ROR1: variants seen among roughly 807,000 people sequenced by gnomAD.
ROR1 encodes ROR family WNT receptor 1, also known as inactive tyrosine-protein kinase transmembrane receptor ROR1.
In ROR1, 19 loss-of-function variants were observed where a neutral mutation model predicts 78.8. That is an observed-to-expected ratio of 0.24 (90% confidence interval 0.17 to 0.35). ROR1 has a LOEUF of 0.35. ROR1 is among the 10% of genes least tolerant of loss of function. The pLI is 1.00. For missense variants in ROR1, 917 were observed against 1,177.8 expected (o/e 0.78, Z 3.24); for synonymous variants, 386 against 433.6 (o/e 0.89, Z 1.36).
intron 2 of ROR1, among the ~76,000 whole-genome samples, chr1:64,014,735 GCA>G (rs1197421164): frequency 0.034 from 359 of 10,410 alleles, 26 homozygotes; most frequent in Non-Finnish European, 0.065. Context: ...ATACACATAC[GCA>G]CACTATATAT....
rs370519632 is a variant in ROR1 at position 64,129,013 on chromosome 1, T to C, written c.483-8356T>C. Among the ~76,000 whole-genome samples, 27 of 152,350 alleles carry C rather than the reference T, an allele frequency of 1.8e-4. 2 individuals are homozygous for C. The highest frequency in any genetic ancestry group is 9.8e-4 in the Admixed American group (15 of 15,296). On this transcript the variant is annotated intron_variant, in intron 4 of 8. Coordinates refer to ENST00000371079, the MANE Select transcript of ROR1 (RefSeq NM_005012.4). ...TGCTGCTTCTGCCATTATAAAAATT[T>C]GTAAGATTCTACCTGTGACATGGGC... is the stretch of plus-strand genomic sequence containing the variant.
intron 4 of ROR1, among the ~76,000 whole-genome samples, chr1:64,127,572 C>T (rs1404092448): frequency 1.3e-5 from 2 of 151,972 alleles, no homozygotes; most frequent in African/African-American, 2.4e-5. Context: ...GTGTCTGTCT[C>T]TTTCTCTGTC....
chr1:64,142,324 T>A, intron 6 of ROR1, 81 bp from the exon 7 acceptor site: 2 of 1,562,566 alleles, frequency 1.3e-6, no homozygotes, highest in Non-Finnish European at 1.7e-6. Flanking sequence ...TGCCCTCCCC[T>A]CCAGAAACTG....
intron 1 of ROR1, among the ~76,000 whole-genome samples, chr1:63,944,177 C>A (rs1645864334): frequency 6.6e-6 from 1 of 152,116 alleles, no homozygotes; most frequent in African/African-American, 2.4e-5. Flanking sequence ...GTCTTTTATG[C>A]CAAGCATTTG....
intron 1 of ROR1, chr1:63,788,872 A>T: frequency 1.2e-6 from 1 of 843,874 alleles, no homozygotes; most frequent in Non-Finnish European, 1.9e-6. Context: ...ATCTGCCTTC[A>T]GCTTGTGGAT....
At chr1:63,928,013 CG>C (rs1645720221) in intron 1 of ROR1, among the ~76,000 whole-genome samples, 2 of 149,444 alleles carry the variant, frequency 1.3e-5, no homozygotes, top group African/African-American at 5.0e-5. Flanking sequence ...CTGGCAACTG[CG>C]TGGTTTTGAA....
intron 1 of ROR1, among the ~76,000 whole-genome samples, chr1:63,946,472 T>C (rs142756896): frequency 7.1e-4 from 108 of 152,330 alleles, no homozygotes; most frequent in African/African-American, 2.3e-3. Flanking sequence ...GTTTTTGTGG[T>C]GTACAACATA....
chr1:63,822,205 C>T (rs1260828991), intron 1 of ROR1, among the ~76,000 whole-genome samples: 1 of 152,144 alleles, frequency 6.6e-6, no homozygotes, highest in East Asian at 1.9e-4. Flanking sequence ...AGCGATTTGC[C>T]TATTTTGTTT....
chr1:63,979,009 C>T (rs1004378423), intron 1 of ROR1, among the ~76,000 whole-genome samples: 5 of 152,164 alleles, frequency 3.3e-5, no homozygotes, highest in Non-Finnish European at 4.4e-5. Context: ...TTCCCTCTTG[C>T]GCTGGGGAGG....
At chr1:64,119,513 C>A (rs1195788604) in intron 4 of ROR1, among the ~76,000 whole-genome samples, 1 of 151,980 alleles carries the variant, frequency 6.6e-6, no homozygotes, top group African/African-American at 2.4e-5. Flanking sequence ...GTGGCAGGCG[C>A]CTGTAATCCC....
At chr1:63,853,516 G>A (rs757051870) in intron 1 of ROR1, among the ~76,000 whole-genome samples, 1 of 152,148 alleles carries the variant, frequency 6.6e-6, no homozygotes, top group African/African-American at 2.4e-5. Flanking sequence ...TGGTATAAAC[G>A]CATATATTCC....
chr1:64,117,472 A>G (rs905367674), intron 4 of ROR1, among the ~76,000 whole-genome samples: 20 of 152,278 alleles, frequency 1.3e-4, no homozygotes, highest in African/African-American at 4.3e-4. Context: ...AATGATAAAA[A>G]TCACATTTTC....
intron 1 of ROR1, among the ~76,000 whole-genome samples, chr1:63,916,930 C>T (rs947628078): frequency 6.6e-6 from 1 of 152,216 alleles, no homozygotes; most frequent in African/African-American, 2.4e-5. Flanking sequence ...CTCAGGCCTA[C>T]TTTCAGTTCC....
chr1:63,877,821 T>C (rs1444493829), intron 1 of ROR1, among the ~76,000 whole-genome samples: 2 of 152,190 alleles, frequency 1.3e-5, no homozygotes, highest in East Asian at 3.9e-4. Flanking sequence ...ATGAGACTGG[T>C]CCCATTTGAT....
chr1:63,915,540 G>A (rs1645602398), intron 1 of ROR1, among the ~76,000 whole-genome samples: 1 of 152,094 alleles, frequency 6.6e-6, no homozygotes, highest in Non-Finnish European at 1.5e-5. Context: ...GGAGAGAAGG[G>A]TATGAGACTA....
chr1:63,839,574 T>G (rs1391518086), intron 1 of ROR1, among the ~76,000 whole-genome samples: 1 of 152,084 alleles, frequency 6.6e-6, no homozygotes, highest in Non-Finnish European at 1.5e-5. Context: ...CAAAGAAAAT[T>G]CAGAAAATAA....
chr1:63,948,404 A>G (rs1260113266), intron 1 of ROR1, among the ~76,000 whole-genome samples: 1 of 151,946 alleles, frequency 6.6e-6, no homozygotes, highest in Non-Finnish European at 1.5e-5. Flanking sequence ...AGTTCAATGG[A>G]AAGAAGAGAG....
rs149772262 is a variant in ROR1 at position 64,003,221 on chromosome 1, C to A, written c.92-6084C>A. On this transcript the variant is annotated intron_variant, in intron 1 of 8. Transcript: ENST00000371079. ...TCTTTTTCTTTTTTTTCCTGCAGAT[C>A]TCACCATATAACAATACAAATAATA... Among the ~76,000 whole-genome samples the A allele has an allele frequency of 3.7e-3, 555 of 151,668 alleles. 5 individuals carry two copies. Among genetic ancestry groups the A allele is most frequent in the African/African-American group, 0.013 (530 of 41,314 alleles).
intron 1 of ROR1, among the ~76,000 whole-genome samples, chr1:63,948,335 AT>A (rs751698222): frequency 0.018 from 2,633 of 142,586 alleles, 48 homozygotes; most frequent in African/African-American, 0.052. Flanking sequence ...TTGTGGTCCA[AT>A]TTTTTTTTTT....
Sources: gnomAD v4.1 joint callset for allele counts (sites outside exome capture counted in the v4.1 genomes callset) on GRCh38, gnomAD v4.1.1 for gene constraint, MANE v1.5 for transcripts, NCBI Gene and HGNC (gene_info 2026-07-23, HGNC 2026-07-21) for gene names.